The following CLVS1 variants were observed in gnomAD, a reference collection of about 807,000 sequenced individuals.
CLVS1 encodes clavesin-1.
In CLVS1, 10 loss-of-function variants were observed where a neutral mutation model predicts 33.1. That is an observed-to-expected ratio of 0.30 (90% CI 0.19 to 0.51). CLVS1 has a LOEUF of 0.51. Among genes scored for constraint, CLVS1 ranks in the 20% least tolerant of loss-of-function variants. The pLI is 0.97. For missense variants in CLVS1, 343 were observed against 433.4 expected, an observed-to-expected ratio of 0.79 and a Z score of 1.85; for synonymous variants, 163 against 166.1, an observed-to-expected ratio of 0.98 and a Z score of 0.14.
At chr8:61,309,673 T>C (rs574278660) in intron 2 of CLVS1, among the ~76,000 whole-genome samples, 10 of 152,318 alleles carry the variant, frequency 6.6e-5, no homozygotes, top group Admixed American at 6.5e-4. Context: ...ATTTATTTGA[T>C]GGATACGCTG....
the CLVS1 span, among the ~76,000 whole-genome samples, chr8:61,018,744 G>T: frequency 2.0e-5 from 3 of 152,228 alleles, no homozygotes; most frequent in Non-Finnish European, 2.9e-5. Context: ...AAGTGGCTTG[G>T]TTGACTTTGA....
chr8:61,127,860 A>G (rs138431010), intron 1 of CLVS1, among the ~76,000 whole-genome samples: 253 of 152,292 alleles, frequency 1.7e-3, no homozygotes, highest in Non-Finnish European at 3.1e-3. Flanking sequence ...CTAGCATTCT[A>G]TTTTGCAGAA....
At chr8:61,114,955 T>C (rs1805691046) in intron 1 of CLVS1, among the ~76,000 whole-genome samples, 1 of 152,234 alleles carries the variant, frequency 6.6e-6, no homozygotes, top group Non-Finnish European at 1.5e-5. Context: ...CTCTGAGAAG[T>C]ACCATACAAT....
At chr8:61,053,551 A>T (rs1397204618), upstream of CLVS1, among the ~76,000 whole-genome samples, 2 of 152,200 alleles carry the variant, frequency 1.3e-5, no homozygotes, top group African/African-American at 4.8e-5. Flanking sequence ...AAATTCATTT[A>T]TTGGACTGAG....
chr8:61,463,023 G>A (rs1260291147), intron 5 of CLVS1, among the ~76,000 whole-genome samples: 1 of 152,180 alleles, frequency 6.6e-6, no homozygotes, highest in African/African-American at 2.4e-5. Flanking sequence ...AGTGTAGCCA[G>A]CTTCATCAAT....
At chr8:61,446,901 T>C (rs1816777469) in intron 3 of CLVS1, among the ~76,000 whole-genome samples, 1 of 152,096 alleles carries the variant, frequency 6.6e-6, no homozygotes, top group Non-Finnish European at 1.5e-5. Context: ...TCAAAGATTT[T>C]CCTCTTATCT....
At chr8:61,486,077 C>A (rs1217973231) in intron 5 of CLVS1, among the ~76,000 whole-genome samples, 1 of 145,122 alleles carries the variant, frequency 6.9e-6, no homozygotes, top group Non-Finnish European at 1.5e-5. Context: ...GCACATGTAC[C>A]CTACAACTTA....
intron 2 of CLVS1, among the ~76,000 whole-genome samples, chr8:61,315,251 G>A (rs1332151329): frequency 6.6e-6 from 1 of 152,134 alleles, no homozygotes; most frequent in Admixed American, 6.5e-5. Flanking sequence ...TCAGTCCTTT[G>A]TATTTTCATT....
intron 1 of CLVS1, among the ~76,000 whole-genome samples, chr8:61,081,231 G>A (rs567428258): frequency 5.9e-5 from 9 of 152,342 alleles, no homozygotes; most frequent in Non-Finnish European, 1.2e-4. Context: ...AGAGCTGATA[G>A]AGTGCCCTCT....
intron 5 of CLVS1, among the ~76,000 whole-genome samples, chr8:61,491,728 T>A (rs900612555): frequency 6.6e-6 from 1 of 152,196 alleles, no homozygotes; most frequent in African/African-American, 2.4e-5. Flanking sequence ...AGAAATAATA[T>A]TTTGGCTAAA....
intron 1 of CLVS1, among the ~76,000 whole-genome samples, chr8:61,125,009 A>G (rs1452146750): frequency 1.3e-5 from 2 of 152,046 alleles, no homozygotes; most frequent in Admixed American, 6.6e-5. Flanking sequence ...AGCATTTCCT[A>G]TGGGCTGGGT....
chr8:61,281,640 A>T (rs1475777314), intron 2 of CLVS1, among the ~76,000 whole-genome samples: 1 of 152,218 alleles, frequency 6.6e-6, no homozygotes, highest in Non-Finnish European at 1.5e-5. Flanking sequence ...CAACCCTAAC[A>T]CACTAGTACA....
intron 2 of CLVS1, among the ~76,000 whole-genome samples, chr8:61,188,595 G>T (rs906518586): frequency 2.6e-5 from 4 of 151,982 alleles, no homozygotes; most frequent in Non-Finnish European, 5.9e-5. Flanking sequence ...AATGTTAAAA[G>T]GGATATCAAT....
chr8:61,270,834 T>G (rs565257601), intron 2 of CLVS1, among the ~76,000 whole-genome samples: 40 of 152,282 alleles, frequency 2.6e-4, no homozygotes, highest in Non-Finnish European at 3.4e-4. Context: ...GATGGTAGTT[T>G]GTATTTCTGT....
chr8:61,332,787 A>G (rs1297159211), intron 2 of CLVS1, among the ~76,000 whole-genome samples: 2 of 152,200 alleles, frequency 1.3e-5, no homozygotes, highest in East Asian at 3.9e-4. Context: ...GATTACAGGC[A>G]TGCACCACCA....
At chr8:61,422,066 T>G (rs1213547014) in intron 3 of CLVS1, among the ~76,000 whole-genome samples, 1 of 152,112 alleles carries the variant, frequency 6.6e-6, no homozygotes, top group Non-Finnish European at 1.5e-5. Context: ...TCTACCTCAG[T>G]TCTGAGTGTG....
At chr8:61,069,566 C>T (rs1314711252) in intron 1 of CLVS1, among the ~76,000 whole-genome samples, 1 of 152,136 alleles carries the variant, frequency 6.6e-6, no homozygotes, top group Non-Finnish European at 1.5e-5. Context: ...TGTGGCTGGG[C>T]TTGTGTCTTC....
At chr8:61,343,194 T>A (rs1812086816) in intron 2 of CLVS1, among the ~76,000 whole-genome samples, 2 of 152,228 alleles carry the variant, frequency 1.3e-5, no homozygotes, top group Admixed American at 6.5e-5. Context: ...TGCCCAGCCC[T>A]TGCCCATTCT....
intron 2 of CLVS1, among the ~76,000 whole-genome samples, chr8:61,197,237 C>T (rs1585681088): frequency 6.6e-6 from 1 of 152,150 alleles, no homozygotes; most frequent in East Asian, 1.9e-4. Flanking sequence ...CACTCTTCTG[C>T]ATATTGATAT....
Sources: gnomAD v4.1 joint callset for allele counts (sites outside exome capture counted in the v4.1 genomes callset) on GRCh38, gnomAD v4.1.1 for gene constraint, MANE v1.5 for transcripts, NCBI Gene and HGNC (gene_info 2026-07-23, HGNC 2026-07-21) for gene names.